Variants in LRRC2 observed in about 807,000 individuals in gnomAD.
The protein encoded by LRRC2 is leucine rich repeat containing 2, also known as leucine-rich repeat-containing protein 2.
A neutral mutation model predicts 40.2 loss-of-function variants in LRRC2; 27 were observed. That is an observed-to-expected ratio of 0.67 (90% confidence interval 0.49 to 0.93). The LOEUF is 0.93. Ranked by LOEUF, LRRC2 falls within the 40% of genes least tolerant of loss-of-function variation. The pLI, the probability that LRRC2 is intolerant of heterozygous loss-of-function variation, is 0.00. For synonymous variants in LRRC2, 147 were observed against 158.9 expected (o/e 0.92, Z 0.56); for missense variants, 402 against 439.6 (o/e 0.91, Z 0.76).
In LRRC2 at chr3:46,527,553, A is replaced by G. The variant is rs909711152; in HGVS notation, c.802T>C (p.Tyr268His). The change falls in exon 7 of 9, where the codon TAT becomes CAT. Residue 268 changes from tyrosine (Y) to histidine (H), a missense_variant. Tyr to His is a moderately conservative substitution (Grantham distance 83, BLOSUM62 2). Transcript: ENST00000395905. Reference sequence around the variant, plus strand: ...GGAAGGTAGGTCAACTTGTTTTTATACAAGAGAAAGCTCTGCAGCTCCTCT... The same window carrying G: ...GGAAGGTAGGTCAACTTGTTTTTATGCAAGAGAAAGCTCTGCAGCTCCTCT... ...RLEELQSFLL[Y>H]KNKLTYLPYS... 2.5e-6 allele frequency: 4 copies of G among 1,614,044 alleles called. No individual in the cohort carries two copies. The highest frequency in any genetic ancestry group is 3.4e-6 in the Non-Finnish European group (4 of 1,179,932).
Position 46,529,957 on chromosome 3 carries a change from A to G in LRRC2, c.721T>C (p.Trp241Arg). The G allele has an allele frequency of 6.2e-7, 1 of 1,614,144 alleles. No individual in the cohort carries two copies. Among genetic ancestry groups the G allele is most frequent in the Non-Finnish European group, 8.5e-7 (1 of 1,180,010 alleles). Residue 241 changes from tryptophan (W) to arginine (R), a missense_variant, in exon 6 of 9, where the codon TGG becomes CGG. Coordinates refer to ENST00000395905, the MANE Select transcript of LRRC2 (RefSeq NM_024512.5). ...ICVLRMSNLQWLDISSNNLTD... is the reference protein window; with the variant it reads ...ICVLRMSNLQRLDISSNNLTD... Reference sequence around the variant, plus strand: ...AGGTTATTGCTGCTGATATCCAACCACTGCAAATTCGACATCCGCAGGACA... The same window carrying G: ...AGGTTATTGCTGCTGATATCCAACCGCTGCAAATTCGACATCCGCAGGACA...
intron 5 of LRRC2, among the ~76,000 whole-genome samples, chr3:46,530,498 T>A (rs1704139428): frequency 6.6e-6 from 1 of 152,168 alleles, no homozygotes; most frequent in Non-Finnish European, 1.5e-5. Context: ...GAGAATTACT[T>A]GAACCCGGAT....
chr3:46,560,843 A>C (rs908583462), intron 1 of LRRC2, among the ~76,000 whole-genome samples: 4 of 152,172 alleles, frequency 2.6e-5, no homozygotes, highest in Admixed American at 1.3e-4. Context: ...CTGTAAAGGA[A>C]AGAACACTGG....
intron 7 of LRRC2, among the ~76,000 whole-genome samples, chr3:46,524,597 T>C (rs891330315): frequency 2.0e-5 from 3 of 152,244 alleles, no homozygotes; most frequent in Non-Finnish European, 4.4e-5. Flanking sequence ...TTCTGTCTAC[T>C]TGATGTATCT....
intron 1 of LRRC2, chr3:46,558,816 C>T (rs1279032238): frequency 6.6e-6 from 1 of 152,176 alleles, no homozygotes; most frequent in Non-Finnish European, 1.5e-5. Flanking sequence ...CTCTTTTGGG[C>T]TATAGCTCCT....
At chr3:46,543,649 T>TAATAATAAA (rs1163055791) in intron 3 of LRRC2, among the ~76,000 whole-genome samples, 1 of 136,238 alleles carries the variant, frequency 7.3e-6, no homozygotes, top group East Asian at 2.2e-4. Flanking sequence ...ATAATAATAA[T>TAATAATAAA]AAATAATAAA....
intron 1 of LRRC2, among the ~76,000 whole-genome samples, chr3:46,553,539 A>T (rs1451112467): frequency 6.6e-6 from 1 of 152,102 alleles, no homozygotes; most frequent in African/African-American, 2.4e-5. Flanking sequence ...TTGCACCTGG[A>T]TCTGGGCATA....
intron 3 of LRRC2, among the ~76,000 whole-genome samples, chr3:46,544,131 C>T (rs1050070349): frequency 1.7e-5 from 2 of 120,050 alleles, no homozygotes; most frequent in East Asian, 2.4e-4. Context: ...GTCTCTCCAC[C>T]GAGTCCTTTT....
At chr3:46,543,193 G>C (rs555836331) in intron 3 of LRRC2, among the ~76,000 whole-genome samples, 1 of 152,128 alleles carries the variant, frequency 6.6e-6, no homozygotes. Context: ...ACGGCTTAGG[G>C]GATGGCGTAT....
intron 1 of LRRC2, among the ~76,000 whole-genome samples, chr3:46,556,650 A>G (rs539182191): frequency 2.0e-5 from 3 of 149,438 alleles, no homozygotes; most frequent in Admixed American, 6.8e-5. Context: ...GTGATCTCCA[A>G]TAACTGCAAC....
At position 46,545,026 on chromosome 3, in the gene LRRC2, C is replaced by G. The variant is rs373474263; in HGVS notation, c.333+20G>C. 6.2e-7 allele frequency: 1 copy of G among 1,608,918 alleles called. No homozygotes were observed. Among genetic ancestry groups the G allele is most frequent in the Admixed American group, 1.7e-5 (1 of 60,010 alleles). ...TCATCGACCACAGCACTGCATTGGG[C>G]GAGAACTGCCTCGACTCACCGTCCA... On this transcript the variant is annotated intron_variant, in intron 3 of 8. Coordinates refer to ENST00000395905, the MANE Select transcript of LRRC2 (RefSeq NM_024512.5).
chr3:46,542,089 G>A (rs1189803157), intron 3 of LRRC2, among the ~76,000 whole-genome samples: 6 of 152,156 alleles, frequency 3.9e-5, no homozygotes, highest in Middle Eastern at 3.4e-3. Context: ...AAGTGTGCCC[G>A]ACACACACTC....
intron 1 of LRRC2, 140 bp from the exon 2 acceptor site, chr3:46,551,750 GCTTTTTTT>G: frequency 1.3e-5 from 2 of 153,038 alleles, no homozygotes; most frequent in Non-Finnish European, 2.0e-5. Flanking sequence ...ATGACAGTTT[GCTTTTTTT>G]TTTTTTTTTT....
chr3:46,558,706 T>C (rs575747799), intron 1 of LRRC2: 2 of 152,360 alleles, frequency 1.3e-5, no homozygotes, highest in South Asian at 4.1e-4. Flanking sequence ...CTTGGTGTTG[T>C]AGTTACCCTG....
At chr3:46,533,073 T>C (rs1394922936) in intron 4 of LRRC2, among the ~76,000 whole-genome samples, 164 bp from the exon 5 acceptor site, 1 of 152,228 alleles carries the variant, frequency 6.6e-6, no homozygotes, top group Non-Finnish European at 1.5e-5. Context: ...AACATTATCT[T>C]GTAGCATCAT....
chr3:46,529,729 G>C (rs1232458984), intron 6 of LRRC2, among the ~76,000 whole-genome samples, 176 bp downstream of exon 6: 1 of 152,206 alleles, frequency 6.6e-6, no homozygotes, highest in East Asian at 1.9e-4. Context: ...GTATGATGCA[G>C]ACTGGAAATT....
intron 2 of LRRC2, among the ~76,000 whole-genome samples, chr3:46,547,814 G>C (rs189378673): frequency 4.6e-5 from 7 of 152,100 alleles, no homozygotes; most frequent in Admixed American, 2.6e-4. Context: ...AGTTGTAGTG[G>C]CTTGGAATTG....
intron 1 of LRRC2, among the ~76,000 whole-genome samples, chr3:46,555,152 C>G (rs1039944613): frequency 6.6e-6 from 1 of 152,084 alleles, no homozygotes; most frequent in Admixed American, 6.5e-5. Context: ...AGGTCCTTTA[C>G]CAGGTATATA....
In LRRC2 at chr3:46,539,157, C is replaced by T. The variant is rs1338735366; in HGVS notation, c.378G>A (p.Trp126Ter). Reference protein sequence around the residue: ...SLKEQTHLREWYISNTLIQII... With the variant: ...SLKEQTHLRE ...TTTGAATCAAGGTATTGCTTATGTA[C>T]CATTCTCTCAGGTGTGTCTGCTCCT... Residue 126 changes from tryptophan (W) to a stop codon, truncating the protein, a stop_gained, in exon 4 of 9, where the codon TGG becomes TGA. Transcript: ENST00000395905. LOFTEE classifies it high-confidence loss of function. The T allele has an allele frequency of 7.4e-6, 12 of 1,613,962 alleles. No individual in the cohort carries two copies. The highest frequency in any genetic ancestry group is 1.0e-5 in the Non-Finnish European group (12 of 1,179,898).
Sources: gnomAD v4.1 joint callset for allele counts (sites outside exome capture counted in the v4.1 genomes callset) on GRCh38, gnomAD v4.1.1 for gene constraint, MANE v1.5 for transcripts, NCBI Gene and HGNC (gene_info 2026-07-23, HGNC 2026-07-21) for gene names.